Variants in MBD2 observed in about 807,000 individuals in gnomAD.
MBD2 encodes the protein methyl-CpG binding domain protein 2.
MBD2 carries 9 observed loss-of-function variants against 39.3 expected under a neutral mutation model. The observed-to-expected ratio is 0.23, with a 90% CI of 0.14 to 0.40. The LOEUF is 0.40. Among genes scored for constraint, MBD2 ranks in the 10% least tolerant of loss-of-function variants. MBD2 has a pLI of 1.00. For missense variants in MBD2, 458 were observed against 532.6 expected, an observed-to-expected ratio of 0.86 and a Z score of 1.38; for synonymous variants, 233 against 211.1, an observed-to-expected ratio of 1.10 and a Z score of -0.90.
chr18:54,180,903 CTTTTTTTTTTT>C (rs1189903798), intron 3 of MBD2, among the ~76,000 whole-genome samples: 3 of 49,878 alleles, frequency 6.0e-5, no homozygotes, highest in African/African-American at 1.2e-4. Flanking sequence ...TTTTCTTTTT[CTTTTTTTTTTT>C]TTTTTTTTTT....
chr18:54,161,370 T>C (rs1145311), intron 5 of MBD2, among the ~76,000 whole-genome samples: 6,499 of 152,246 alleles, frequency 0.043, 444 homozygotes, highest in African/African-American at 0.15. Context: ...TAAAAGAAAC[T>C]GGAATTTGAC....
At chr18:54,203,361 T>C (rs546492230) in intron 2 of MBD2, among the ~76,000 whole-genome samples, 2 of 152,332 alleles carry the variant, frequency 1.3e-5, no homozygotes, top group South Asian at 4.1e-4. Flanking sequence ...AGAAGCAAAG[T>C]AACCCCAGAA....
chr18:54,179,621 T>C (rs1457401265), intron 3 of MBD2, among the ~76,000 whole-genome samples: 1 of 152,022 alleles, frequency 6.6e-6, no homozygotes, highest in Non-Finnish European at 1.5e-5. Context: ...ATTAACAGAA[T>C]AAATAAACAT....
intron 1 of MBD2, chr18:54,222,372 C>T (rs749880808): frequency 1.9e-6 from 1 of 518,272 alleles, no homozygotes; most frequent in Non-Finnish European, 3.9e-6. Context: ...GCTACCAAAT[C>T]CTGGCCCCAC....
Position 54,205,064 on chromosome 18 carries a change from C to G in MBD2, c.636G>C (p.Lys212Asn). ...TCTTCTGTAATTTACTAGGCATCAT[C>G]TTTCCAGTTCTGAAGTCAAAACTGC... ...DLSSFDFRTG[K>N]MMPSKLQKNK... The change falls in exon 2 of 7, where the codon AAG becomes AAC. Residue 212 changes from lysine (K) to asparagine (N), a missense_variant. Lys to Asn is a moderately conservative substitution (Grantham distance 94, BLOSUM62 0). Around this residue, in one of 2 missense-constraint regions of MBD2, gnomAD observed 189 missense variants for 296.6 expected, o/e 0.64. Coordinates refer to ENST00000256429, the MANE Select transcript of MBD2 (RefSeq NM_003927.5). 1.2e-6 allele frequency: 2 copies of G among 1,614,004 alleles called. No homozygotes were observed. The highest frequency in any genetic ancestry group is 1.7e-5 in the Admixed American group (1 of 60,016).
At chr18:54,167,568 C>T (rs747249417) in intron 3 of MBD2, among the ~76,000 whole-genome samples, 2 of 152,120 alleles carry the variant, frequency 1.3e-5, no homozygotes, top group African/African-American at 2.4e-5. Context: ...GCTTACATTC[C>T]GACTTCTGGA....
chr18:54,212,296 C>G (rs2086514775), intron 1 of MBD2, among the ~76,000 whole-genome samples: 1 of 152,142 alleles, frequency 6.6e-6, no homozygotes, highest in Non-Finnish European at 1.5e-5. Flanking sequence ...AAAGCCTTCA[C>G]AGAACCCAGT....
At chr18:54,210,530 T>C (rs1198415100) in intron 1 of MBD2, among the ~76,000 whole-genome samples, 1 of 152,238 alleles carries the variant, frequency 6.6e-6, no homozygotes, top group Admixed American at 6.5e-5. Flanking sequence ...AAGATACCTT[T>C]TCTTGTTTCT....
chr18:54,215,201 T>A (rs1295024695), intron 1 of MBD2, among the ~76,000 whole-genome samples: 1 of 152,194 alleles, frequency 6.6e-6, no homozygotes, highest in African/African-American at 2.4e-5. Context: ...CAAAGTGTGG[T>A]CTGTGTGCAA....
At chr18:54,221,612 TAA>T (rs959148610) in intron 1 of MBD2, among the ~76,000 whole-genome samples, 4 of 148,510 alleles carry the variant, frequency 2.7e-5, no homozygotes, top group African/African-American at 7.5e-5. Flanking sequence ...CCATCTCTAC[TAA>T]AAATACAAAA....
chr18:54,222,654 A>C (rs187423541), intron 1 of MBD2, among the ~76,000 whole-genome samples: 1 of 152,200 alleles, frequency 6.6e-6, no homozygotes, highest in Non-Finnish European at 1.5e-5. Context: ...ATTTTATCAT[A>C]TGAGGTTTCA....
intron 2 of MBD2, among the ~76,000 whole-genome samples, chr18:54,192,052 G>C (rs992555453): frequency 3.9e-5 from 6 of 152,138 alleles, no homozygotes; most frequent in African/African-American, 1.4e-4. Flanking sequence ...AAGAAAGTTT[G>C]AACACCTCTG....
intron 2 of MBD2, among the ~76,000 whole-genome samples, chr18:54,204,633 T>C (rs1444261033): frequency 6.6e-6 from 1 of 152,122 alleles, no homozygotes; most frequent in Non-Finnish European, 1.5e-5. Context: ...TGAAAATCAA[T>C]ACGTAATTAT....
intron 1 of MBD2, among the ~76,000 whole-genome samples, chr18:54,209,159 G>A (rs116964584): frequency 0.016 from 2,497 of 152,104 alleles, 32 homozygotes; most frequent in Non-Finnish European, 0.022. Context: ...AGCCCAGCGT[G>A]GCGGCGTGCG....
intron 1 of MBD2, among the ~76,000 whole-genome samples, chr18:54,206,001 G>A (rs542150714): frequency 1.3e-3 from 195 of 151,960 alleles, no homozygotes; most frequent in African/African-American, 4.6e-3. Context: ...TGGAATCTAT[G>A]TGATATCTGA....
At chr18:54,207,184 G>T (rs2086457266) in intron 1 of MBD2, among the ~76,000 whole-genome samples, 1 of 152,094 alleles carries the variant, frequency 6.6e-6, no homozygotes. Flanking sequence ...CACCAGCTTT[G>T]GTAGCCTACA....
At chr18:54,203,087 G>T in intron 2 of MBD2, 1 of 1,586,796 alleles carries the variant, frequency 6.3e-7, no homozygotes, top group Non-Finnish European at 8.7e-7. Flanking sequence ...GCAGGACGAT[G>T]AGTGTTCCAG....
intron 3 of MBD2, among the ~76,000 whole-genome samples, chr18:54,179,901 A>C (rs2086237962): frequency 6.6e-6 from 1 of 152,238 alleles, no homozygotes; most frequent in African/African-American, 2.4e-5. Context: ...AAAGGACAAA[A>C]AAATCAAAGG....
chr18:54,209,168 C>T (rs2086478530), intron 1 of MBD2, among the ~76,000 whole-genome samples: 1 of 152,016 alleles, frequency 6.6e-6, no homozygotes, highest in South Asian at 2.1e-4. Flanking sequence ...TGGCGGCGTG[C>T]GCCCGTAATC....
Sources: gnomAD v4.1 joint callset for allele counts (sites outside exome capture counted in the v4.1 genomes callset) on GRCh38, gnomAD v4.1.1 for gene constraint, gnomAD v4.1.1 regional missense constraint, MANE v1.5 for transcripts, NCBI Gene and HGNC (gene_info 2026-07-23, HGNC 2026-07-21) for gene names.